Variants in ARHGAP32 observed in about 807,000 individuals in gnomAD.
ARHGAP32 encodes rho GTPase-activating protein 32.
ARHGAP32 carries 51 observed loss-of-function variants against 186.5 expected under a neutral mutation model. That is an observed-to-expected ratio of 0.27 (90% CI 0.22 to 0.35). The LOEUF is 0.35. ARHGAP32 is among the 10% of genes least tolerant of loss of function. ARHGAP32 has a pLI of 1.00. For missense variants in ARHGAP32, 2,186 were observed against 2,623.5 expected, an observed-to-expected ratio of 0.83 and a Z score of 3.64; for synonymous variants, 950 against 964.3, an observed-to-expected ratio of 0.99 and a Z score of 0.27.
intron 1 of ARHGAP32, among the ~76,000 whole-genome samples, chr11:129,255,680 A>G (rs891498898): frequency 2.6e-5 from 4 of 152,000 alleles, no homozygotes; most frequent in Non-Finnish European, 2.9e-5. Context: ...AACAAGACAA[A>G]TGACCCAACA....
At chr11:129,099,343 GC>G (rs1264998802) in intron 5 of ARHGAP32, among the ~76,000 whole-genome samples, 1 of 152,126 alleles carries the variant, frequency 6.6e-6, no homozygotes, top group Non-Finnish European at 1.5e-5. Context: ...TGTTACAACT[GC>G]CTATAGTATT....
chr11:129,103,648 A>G (rs895226729), intron 5 of ARHGAP32, among the ~76,000 whole-genome samples: 3 of 152,124 alleles, frequency 2.0e-5, no homozygotes, highest in Non-Finnish European at 4.4e-5. Flanking sequence ...ATCTATAAAG[A>G]AAAAAACATA....
intron 1 of ARHGAP32, among the ~76,000 whole-genome samples, chr11:129,182,744 A>G (rs902909114): frequency 6.6e-6 from 1 of 151,930 alleles, no homozygotes; most frequent in African/African-American, 2.4e-5. Context: ...CCTGGGCTCA[A>G]GAGATCCTCC....
intron 1 of ARHGAP32, among the ~76,000 whole-genome samples, chr11:129,221,476 T>C (rs1420880563): frequency 6.9e-6 from 1 of 145,944 alleles, no homozygotes; most frequent in East Asian, 2.1e-4. Context: ...GTAATTGTCA[T>C]TACTGTGTGT....
intron 11 of ARHGAP32, among the ~76,000 whole-genome samples, chr11:129,010,179 A>T (rs185766534): frequency 6.6e-6 from 1 of 151,910 alleles, no homozygotes; most frequent in Non-Finnish European, 1.5e-5. Context: ...TTCCCTGTAG[A>T]CTCTGGATAT....
At chr11:129,015,276 A>G (rs937863475) in intron 11 of ARHGAP32, among the ~76,000 whole-genome samples, 14 of 152,212 alleles carry the variant, frequency 9.2e-5, no homozygotes, top group African/African-American at 3.4e-4. Flanking sequence ...CACGACCAGA[A>G]GACACAGGCC....
chr11:128,973,132 T>C lies in ARHGAP32; in HGVS notation c.3374A>G (p.Asn1125Ser), dbSNP rs1394617612. The C allele has an allele frequency of 1.2e-6, 2 of 1,614,096 alleles. No individual in the cohort carries two copies. The highest frequency in any genetic ancestry group is 2.7e-5 in the African/African-American group (2 of 74,938). The change falls in exon 22 of 23, where the codon AAT (asparagine) becomes AGT (serine). Residue 1125 changes from asparagine (N) to serine (S), a missense_variant. Asn to Ser is a conservative substitution (Grantham distance 46, BLOSUM62 1). This residue lies in a region of ARHGAP32 where 1,502 missense variants were observed against 1,570.0 expected (regional missense o/e 0.96). Coordinates refer to ENST00000682385, the MANE Select transcript of ARHGAP32 (RefSeq NM_001378024.1). ...ATGGTCACAGTTTCCTGGTGCATTA[T>C]TCTGGAGGTGGAACTGCTCTGCTGG... ...DRPAEQFHLQ[N>S]NAPGNCDHPL... is the part of the protein sequence containing the mutation.
At chr11:129,059,726 C>A (rs1940413910) in intron 10 of ARHGAP32, among the ~76,000 whole-genome samples, 1 of 152,008 alleles carries the variant, frequency 6.6e-6, no homozygotes, top group South Asian at 2.1e-4. Flanking sequence ...TCTTGAACTC[C>A]TGACCTCATG....
chr11:129,188,698 C>T (rs1209119068), intron 1 of ARHGAP32, among the ~76,000 whole-genome samples: 1 of 152,108 alleles, frequency 6.6e-6, no homozygotes, highest in Non-Finnish European at 1.5e-5. Context: ...GGCATTGTCC[C>T]CCCCAATTAA....
At chr11:129,183,793 C>T (rs572735894) in intron 1 of ARHGAP32, among the ~76,000 whole-genome samples, 2 of 152,186 alleles carry the variant, frequency 1.3e-5, no homozygotes, top group South Asian at 4.1e-4. Flanking sequence ...AAAGGCACCA[C>T]GATTCTGCCT....
rs1945452967 is a variant in ARHGAP32 at position 128,973,444 on chromosome 11, T to A, written c.3074-12A>T. 2 of 1,606,264 alleles carry A rather than the reference T, an allele frequency of 1.2e-6. No homozygotes were observed. The highest frequency in any genetic ancestry group is 3.4e-5 in the Admixed American group (2 of 58,668). The stretch of plus-strand genomic sequence containing the variant: ...ATGGGTAACTGCTCCTAGTGGGAAA[T>A]TGGGAAAAAAAATGAGAGTGAAAAG... On this transcript the variant is annotated splice_polypyrimidine_tract_variant and intron_variant, in intron 21 of 22. Transcript: ENST00000682385.
chr11:129,111,910 T>C (rs758011768), intron 5 of ARHGAP32, among the ~76,000 whole-genome samples: 12 of 151,978 alleles, frequency 7.9e-5, no homozygotes, highest in Non-Finnish European at 1.5e-4. Context: ...CTATGGCACA[T>C]ACCGTTATGC....
intron 1 of ARHGAP32, among the ~76,000 whole-genome samples, chr11:129,259,401 T>A (rs182843015): frequency 6.6e-6 from 1 of 152,148 alleles, no homozygotes; most frequent in Non-Finnish European, 1.5e-5. Context: ...GAGATGTTAC[T>A]AGTTTTTTGT....
At chr11:129,215,544 G>A (rs1944634769) in intron 1 of ARHGAP32, among the ~76,000 whole-genome samples, 1 of 152,144 alleles carries the variant, frequency 6.6e-6, no homozygotes, top group Non-Finnish European at 1.5e-5. Flanking sequence ...CTGGAGAGGG[G>A]AGAATCTATT....
intron 2 of ARHGAP32, among the ~76,000 whole-genome samples, chr11:129,143,072 C>CATATATATAT (rs145242519): frequency 0.14 from 15,692 of 112,306 alleles, 1,581 homozygotes; most frequent in South Asian, 0.26. Flanking sequence ...GGTAAAACTG[C>CATATATATAT]ATATATATAT....
chr11:129,188,032 T>G (rs1591684072), intron 1 of ARHGAP32, among the ~76,000 whole-genome samples: 2 of 152,108 alleles, frequency 1.3e-5, no homozygotes, highest in Admixed American at 1.3e-4. Context: ...CTCAGCTCAC[T>G]GCAATCTCTA....
At chr11:128,984,381 A>T (rs1039342985) in intron 15 of ARHGAP32, among the ~76,000 whole-genome samples, 1 of 152,124 alleles carries the variant, frequency 6.6e-6, no homozygotes, top group Non-Finnish European at 1.5e-5. Context: ...CCTCAAAAAA[A>T]AAAAGGAAAT....
chr11:129,143,966 T>A (rs745889098), intron 2 of ARHGAP32, among the ~76,000 whole-genome samples: 3 of 152,172 alleles, frequency 2.0e-5, no homozygotes, highest in Non-Finnish European at 4.4e-5. Flanking sequence ...TTGGAACATA[T>A]TCCCCTTGGA....
At chr11:129,178,234 A>G (rs1943964958) in intron 1 of ARHGAP32, among the ~76,000 whole-genome samples, 1 of 152,130 alleles carries the variant, frequency 6.6e-6, no homozygotes. Context: ...CCAACTTACA[A>G]GGGATGTGAA....
Sources: gnomAD v4.1 joint callset for allele counts (sites outside exome capture counted in the v4.1 genomes callset) on GRCh38, gnomAD v4.1.1 for gene constraint, gnomAD v4.1.1 regional missense constraint, MANE v1.5 for transcripts, NCBI Gene and HGNC (gene_info 2026-07-23, HGNC 2026-07-21) for gene names.